The following PCNX2 variants were observed in gnomAD, a reference collection of about 807,000 sequenced individuals.
PCNX2 encodes pecanex 2.
Under a neutral mutation model 223.8 loss-of-function variants are expected in PCNX2, and 168 were observed. The observed-to-expected ratio is 0.75, with a 90% confidence interval of 0.66 to 0.85. PCNX2 has a LOEUF of 0.85. Among genes scored for constraint, PCNX2 ranks in the 40% least tolerant of loss-of-function variants. The probability of loss-of-function intolerance (pLI) is 0.00; values close to 1 mark genes in which losing one functional copy is unlikely to be tolerated. For synonymous variants in PCNX2, 1,006 were observed against 1,052.6 expected (o/e 0.96, Z 0.86); for missense variants, 2,507 against 2,675.5 (o/e 0.94, Z 1.39).
At chr1:233,103,536 T>A (rs1674608343) in intron 21 of PCNX2, among the ~76,000 whole-genome samples, 1 of 152,166 alleles carries the variant, frequency 6.6e-6, no homozygotes, top group South Asian at 2.1e-4. Flanking sequence ...GAATATATAA[T>A]GTTTATCTTT....
intron 20 of PCNX2, among the ~76,000 whole-genome samples, chr1:233,137,013 A>G (rs1316400998): frequency 6.6e-6 from 1 of 152,236 alleles, no homozygotes; most frequent in Non-Finnish European, 1.5e-5. Flanking sequence ...ACTCATGTGC[A>G]TGGCCTTTAT....
chr1:233,205,080 T>A lies in PCNX2; in HGVS notation c.2863+3438A>T, dbSNP rs188387649. ...TTTTGAGCTTTAATAACACCTCACA[T>A]CCCAATGCCATTGTAAGTTTGCCAC... On this transcript the variant is annotated intron_variant, in intron 13 of 33. Transcript: ENST00000258229. Among the ~76,000 whole-genome samples, 695 of 152,292 alleles carry A rather than the reference T, an allele frequency of 4.6e-3. 4 individuals are homozygous for A. The highest frequency in any genetic ancestry group is 1.0e-2 in the South Asian group (48 of 4,818).
chr1:233,025,438 G>T (rs1418445532), intron 25 of PCNX2, 39 bp from the exon 26 acceptor site: 2 of 1,605,746 alleles, frequency 1.2e-6, no homozygotes, highest in South Asian at 2.2e-5. Flanking sequence ...TGAAGAGAAG[G>T]CATGCTAGAA....
At position 233,025,355 on chromosome 1, in the gene PCNX2, C is replaced by T. The variant is rs372337688; in HGVS notation, c.4396G>A (p.Asp1466Asn). ...CAGCAGCAGCCTCTGTCCTCCTCGTCGCCCTCCATGATGGCTTCTACCTCC... is the reference window on the plus strand; with the variant it reads ...CAGCAGCAGCCTCTGTCCTCCTCGTTGCCCTCCATGATGGCTTCTACCTCC... ...QREVEAIMEGDEEDRGCCCCK... is the reference protein window; with the variant it reads ...QREVEAIMEGNEEDRGCCCCK... Residue 1466 changes from aspartate (D) to asparagine (N), a missense_variant, in exon 26 of 34, where the codon GAC (aspartate) becomes AAC (asparagine). Transcript: ENST00000258229. 38 of 1,613,904 alleles carry T rather than the reference C, an allele frequency of 2.4e-5. No homozygotes were observed. The highest frequency in any genetic ancestry group is 3.0e-5 in the Non-Finnish European group (35 of 1,179,902).
chr1:233,013,254 TG>T (rs1186107691), intron 28 of PCNX2, among the ~76,000 whole-genome samples: 1 of 152,222 alleles, frequency 6.6e-6, no homozygotes, highest in African/African-American at 2.4e-5. Context: ...ACGTGGGAGT[TG>T]AAAGAGTAGT....
At chr1:233,152,936 C>CA (rs59652546) in intron 19 of PCNX2, among the ~76,000 whole-genome samples, 21,454 of 152,230 alleles carry the variant, frequency 0.14, 1,629 homozygotes, top group East Asian at 0.22. Flanking sequence ...AACTGAATCA[C>CA]AATGGCGAAG....
rs536913387 is a variant in PCNX2, at chr1:233,222,130, G to C, written c.2505-3946C>G. ...TTGGCACTGCAAACATCTGGGAGAC[G>C]AATGTTCCATGCGCAGGAACTGCCA... is the stretch of plus-strand genomic sequence containing the variant. On this transcript the variant is annotated intron_variant, in intron 10 of 33. Coordinates refer to ENST00000258229, the MANE Select transcript of PCNX2 (RefSeq NM_014801.4). Among the ~76,000 whole-genome samples the C allele has an allele frequency of 3.3e-5, 5 of 152,314 alleles. No homozygotes were observed. The South Asian group carries it at 1.0e-3, about 32-fold the overall frequency.
At chr1:233,227,203 T>C (rs779313636) in intron 10 of PCNX2, 23 bp downstream of exon 10, 14 of 1,601,420 alleles carry the variant, frequency 8.7e-6, no homozygotes, top group Admixed American at 1.7e-5. Flanking sequence ...TCCGACAGTG[T>C]GTGTGCATGC....
chr1:233,316,821 C>T, the PCNX2 span, among the ~76,000 whole-genome samples: 1 of 152,166 alleles, frequency 6.6e-6, no homozygotes, highest in Non-Finnish European at 1.5e-5. Flanking sequence ...TTTTCTTACA[C>T]TCCTCTTAAT....
At chr1:233,263,792 A>G (rs981290913) in intron 1 of PCNX2, among the ~76,000 whole-genome samples, 3 of 152,138 alleles carry the variant, frequency 2.0e-5, no homozygotes, top group African/African-American at 4.8e-5. Flanking sequence ...GGCCTAATCC[A>G]ATGCATCTTC....
the PCNX2 span, among the ~76,000 whole-genome samples, chr1:233,302,645 C>CATATAT: frequency 0.014 from 2,090 of 147,478 alleles, 41 homozygotes; most frequent in African/African-American, 0.045. Context: ...CTCCTTCCAT[C>CATATAT]ATATATATAT....
chr1:233,230,716 G>T (rs918608837), intron 9 of PCNX2, among the ~76,000 whole-genome samples: 1 of 152,050 alleles, frequency 6.6e-6, no homozygotes, highest in African/African-American at 2.4e-5. Flanking sequence ...CAAGATAATT[G>T]CATTTACACA....
chr1:233,217,902 T>C lies in PCNX2; in HGVS notation c.2688A>G (p.Ile896Met). ...KSVQPDPASP[I>M]HGHNQIITYS... ...TTGCCTGTATTTGGAAACTTACGTG[T>C]ATTGGTGAGGCGGGGTCAGGCTGAA... The change falls in exon 12 of 34, where the codon ATA becomes ATG. Residue 896 changes from isoleucine to methionine, a missense_variant. Physicochemically the swap from Ile to Met is conservative, Grantham distance 10. Transcript: ENST00000258229. 1 of 1,613,866 alleles carries C rather than the reference T, an allele frequency of 6.2e-7. No individual in the cohort carries two copies. Among genetic ancestry groups the C allele is most frequent in the Non-Finnish European group, 8.5e-7 (1 of 1,179,860 alleles).
chr1:233,023,408 A>G (rs1034063473), intron 26 of PCNX2, among the ~76,000 whole-genome samples: 3 of 152,048 alleles, frequency 2.0e-5, no homozygotes, highest in African/African-American at 7.2e-5. Flanking sequence ...GCTTCCTAGA[A>G]CCTCATTAAC....
intron 4 of PCNX2, 94 bp from the exon 5 acceptor site, chr1:233,259,438 A>C (rs1290420233): frequency 7.1e-7 from 1 of 1,407,272 alleles, no homozygotes. Context: ...CTAAAACAGC[A>C]CCAGCAACTA....
chr1:233,070,354 T>G (rs1456349606), intron 23 of PCNX2, among the ~76,000 whole-genome samples: 1 of 152,126 alleles, frequency 6.6e-6, no homozygotes, highest in African/African-American at 2.4e-5. Context: ...ACTTTCCTAT[T>G]TATTTCATGA....
chr1:233,089,846 G>A (rs749526704), intron 23 of PCNX2: 310 of 1,292,196 alleles, frequency 2.4e-4, no homozygotes, highest in Middle Eastern at 2.9e-4. Context: ...ACTAGTATTC[G>A]TTGGCTAATT....
At chr1:233,080,385 TAC>T (rs1256033064) in intron 23 of PCNX2, among the ~76,000 whole-genome samples, 7 of 141,218 alleles carry the variant, frequency 5.0e-5, no homozygotes, top group Admixed American at 4.9e-4. Flanking sequence ...TTTTCATCCA[TAC>T]ACACACACAC....
At position 232,986,134 on chromosome 1, in the gene PCNX2, G is replaced by A. The variant is rs1413875754; in HGVS notation, c.6198C>T (p.Ile2066=). ...SDTQSSSSVN[I]VMGPSARAAS... is the part of the protein sequence containing the mutation. ...CAGCCCTGGCTGAGGGGCCCATCACGATGTTGACGCTGCTGGATGACTGGG... is the reference window on the plus strand; with the variant it reads ...CAGCCCTGGCTGAGGGGCCCATCACAATGTTGACGCTGCTGGATGACTGGG... Residue 2066 remains isoleucine (I), a synonymous_variant, in exon 33 of 34, where the codon ATC becomes ATT. Coordinates refer to ENST00000258229, the MANE Select transcript of PCNX2 (RefSeq NM_014801.4). The A allele has an allele frequency of 3.8e-6, 6 of 1,570,022 alleles. No individual in the cohort carries two copies. Among genetic ancestry groups the A allele is most frequent in the African/African-American group, 2.7e-5 (2 of 74,084 alleles).
Sources: gnomAD v4.1 joint callset for allele counts (sites outside exome capture counted in the v4.1 genomes callset) on GRCh38, gnomAD v4.1.1 for gene constraint, MANE v1.5 for transcripts, NCBI Gene and HGNC (gene_info 2026-07-23, HGNC 2026-07-21) for gene names.